Variants in DACH1 observed in about 807,000 individuals in gnomAD.
The protein encoded by DACH1 is dachshund homolog 1.
In DACH1, 12 loss-of-function variants were observed where a neutral mutation model predicts 54.2. The observed-to-expected ratio is 0.22, with a 90% CI of 0.14 to 0.36. The LOEUF (loss-of-function observed/expected upper bound fraction) is 0.36. Ranked by LOEUF, DACH1 falls within the 10% of genes least tolerant of loss-of-function variation. The pLI is 1.00. For missense variants in DACH1, 805 were observed against 929.8 expected (o/e 0.87, Z 1.75); for synonymous variants, 386 against 366.2 (o/e 1.05, Z -0.62).
intron 1 of DACH1, among the ~76,000 whole-genome samples, chr13:71,864,671 C>G (rs183081360): frequency 5.3e-5 from 8 of 152,096 alleles, no homozygotes; most frequent in Admixed American, 1.3e-4. Context: ...TGCAGAGAAC[C>G]GTGGGGACAA....
chr13:71,532,509 T>C (rs1422678271), intron 6 of DACH1, among the ~76,000 whole-genome samples: 2 of 151,812 alleles, frequency 1.3e-5, no homozygotes, highest in East Asian at 3.9e-4. Flanking sequence ...TTTATGAAAA[T>C]AAAAATGAAT....
At chr13:71,711,783 T>C (rs966144438) in intron 1 of DACH1, among the ~76,000 whole-genome samples, 3 of 152,170 alleles carry the variant, frequency 2.0e-5, no homozygotes, top group Admixed American at 2.0e-4. Context: ...TTGATTACTA[T>C]AAATGATATG....
chr13:71,717,898 A>C (rs184313724), intron 1 of DACH1, among the ~76,000 whole-genome samples: 106 of 152,208 alleles, frequency 7.0e-4, no homozygotes, highest in African/African-American at 2.5e-3. Flanking sequence ...TAAATTAAAA[A>C]AAAAACACAG....
At chr13:71,597,016 T>C (rs1286793183) in intron 3 of DACH1, among the ~76,000 whole-genome samples, 1 of 152,170 alleles carries the variant, frequency 6.6e-6, no homozygotes. Flanking sequence ...TAAATATAAG[T>C]CTAAATCAAG....
At chr13:71,723,866 T>C (rs1883352009) in intron 1 of DACH1, among the ~76,000 whole-genome samples, 1 of 152,200 alleles carries the variant, frequency 6.6e-6, no homozygotes, top group South Asian at 2.1e-4. Context: ...AATTTTTGTC[T>C]TTTTAGTAGA....
chr13:71,685,129 C>A (rs1424909158), intron 1 of DACH1, among the ~76,000 whole-genome samples: 1 of 152,080 alleles, frequency 6.6e-6, no homozygotes, highest in Non-Finnish European at 1.5e-5. Flanking sequence ...TCCCCACAGC[C>A]CTCACTCTGG....
intron 1 of DACH1, among the ~76,000 whole-genome samples, chr13:71,746,097 A>C (rs867598923): frequency 6.6e-6 from 1 of 152,126 alleles, no homozygotes; most frequent in South Asian, 2.1e-4. Context: ...ACACGCCTGT[A>C]ACCCCAGCTA....
intron 1 of DACH1, among the ~76,000 whole-genome samples, chr13:71,785,008 A>T (rs993895202): frequency 1.2e-4 from 19 of 152,190 alleles, no homozygotes; most frequent in Admixed American, 6.5e-5. Flanking sequence ...ATATAAAAAT[A>T]TATAATGGGA....
At position 71,487,516 on chromosome 13, in the gene DACH1, C is replaced by G. The variant is rs117240923; in HGVS notation, c.1722+1481G>C. On this transcript the variant is annotated intron_variant, in intron 7 of 10. Transcript: ENST00000613252. ...GGTCCGTAGAGTGTGGATGAATACT[C>G]CAAACTGAGAGGATTTGACTTTGAA... is the stretch of plus-strand genomic sequence containing the variant. Among the ~76,000 whole-genome samples, 402 of 152,206 alleles carry G rather than the reference C, an allele frequency of 2.6e-3. 2 individuals carry two copies. In the East Asian group the frequency reaches 0.031, roughly 12 times the overall value.
chr13:71,866,387 ACGCCGCCGCCAGCGCTGATGC>A lies in DACH1; in HGVS notation c.362_382del (p.Gly121_Gly127del). Reference sequence around the variant, plus strand: ...GGCGTTGATGGGGGTGCTGGAAGCGACGCCGCCGCCAGCGCTGATGCCGCCGCCGCCGCCGCCGCTGCCGTT... The same window carrying A: ...GGCGTTGATGGGGGTGCTGGAAGCGACGCCGCCGCCGCCGCCGCTGCCGTT... On this transcript the variant is annotated inframe_deletion, in exon 1 of 11. Coordinates refer to ENST00000613252, the MANE Select transcript of DACH1 (RefSeq NM_080759.6). 6.7e-7 allele frequency: 1 copy of A among 1,490,276 alleles called. No homozygotes were observed. The highest frequency in any genetic ancestry group is 9.0e-7 in the Non-Finnish European group (1 of 1,115,736). The allele number at this position is 1,490,276 out of a possible 1,614,324, so 92.3% of individuals were successfully genotyped here. A position where few individuals can be genotyped will look rare whatever the true frequency, so the allele number is the denominator to read the frequency against.
chr13:71,864,448 C>T (rs1042252077), intron 1 of DACH1, among the ~76,000 whole-genome samples: 2 of 152,126 alleles, frequency 1.3e-5, no homozygotes, highest in African/African-American at 4.8e-5. Context: ...TTCTGGTCTC[C>T]TTGCTACACT....
intron 1 of DACH1, among the ~76,000 whole-genome samples, chr13:71,824,229 T>C (rs897816853): frequency 2.6e-4 from 40 of 151,932 alleles, no homozygotes; most frequent in African/African-American, 9.7e-4. Flanking sequence ...GAACATTTTA[T>C]ATTATTATTG....
intron 5 of DACH1, among the ~76,000 whole-genome samples, chr13:71,559,491 A>G (rs1340264391): frequency 1.3e-5 from 2 of 152,190 alleles, no homozygotes; most frequent in Non-Finnish European, 2.9e-5. Flanking sequence ...AATAATCCAT[A>G]AACAGTGTAC....
chr13:71,503,428 G>A (rs1420773277), intron 6 of DACH1, among the ~76,000 whole-genome samples: 2 of 152,104 alleles, frequency 1.3e-5, no homozygotes, highest in Non-Finnish European at 2.9e-5. Flanking sequence ...AATTTTAGTT[G>A]TAGTTACTTA....
At chr13:71,714,092 G>A (rs1882861054) in intron 1 of DACH1, among the ~76,000 whole-genome samples, 1 of 151,904 alleles carries the variant, frequency 6.6e-6, no homozygotes, top group African/African-American at 2.4e-5. Flanking sequence ...TGTCAACTGT[G>A]CATAAATAGA....
intron 1 of DACH1, among the ~76,000 whole-genome samples, chr13:71,818,335 TA>T (rs1308195417): frequency 6.6e-6 from 1 of 152,070 alleles, no homozygotes; most frequent in African/African-American, 2.4e-5. Context: ...TCTGAAGAGG[TA>T]AGAGGAGATT....
At chr13:71,621,661 C>T (rs1876243734) in intron 3 of DACH1, among the ~76,000 whole-genome samples, 1 of 151,940 alleles carries the variant, frequency 6.6e-6, no homozygotes, top group Admixed American at 6.6e-5. Flanking sequence ...GTAATAATGC[C>T]ATTACCTTTC....
At chr13:71,593,644 G>A (rs1873886939) in intron 3 of DACH1, among the ~76,000 whole-genome samples, 2 of 152,004 alleles carry the variant, frequency 1.3e-5, no homozygotes, top group African/African-American at 4.8e-5. Context: ...GCTGTTGAGT[G>A]GGAATATGTA....
intron 6 of DACH1, among the ~76,000 whole-genome samples, chr13:71,537,714 A>G (rs546825192): frequency 2.0e-5 from 3 of 152,064 alleles, no homozygotes; most frequent in Non-Finnish European, 4.4e-5. Context: ...TATCACACTA[A>G]ACTTCAATTT....
Sources: allele counts gnomAD v4.1 joint callset (sites outside exome capture counted in the v4.1 genomes callset), GRCh38; gene constraint gnomAD v4.1.1; transcripts MANE v1.5; gene names NCBI Gene and HGNC (gene_info 2026-07-23, HGNC 2026-07-21).